Variants in TMEM60 observed in about 807,000 individuals in gnomAD.
TMEM60 encodes chromosome 7 open reading frame 35.
TMEM60 carries 4 observed loss-of-function variants against 10.7 expected under a neutral mutation model. That is an observed-to-expected ratio of 0.37 (90% CI 0.18 to 0.86). TMEM60 has a LOEUF of 0.86. Ranked by LOEUF, TMEM60 falls within the 40% of genes least tolerant of loss-of-function variation. TMEM60 has a pLI of 0.43. For synonymous variants in TMEM60, 56 were observed against 58.1 expected (o/e 0.96, Z 0.17); for missense variants, 128 against 153.4 (o/e 0.83, Z 0.88).
chr7:77,798,239 G>A lies in TMEM60; in HGVS notation c.-51+15C>T, dbSNP rs1448075410. ...CCGGCGTACGGTGCGGGCTAGGGCA[G>A]AGCCCCAGACTCACCTGGCAGCGCT... On this transcript the variant is annotated intron_variant, in intron 1 of 1. Coordinates refer to ENST00000257663, the MANE Select transcript of TMEM60 (RefSeq NM_032936.4). 6.6e-6 allele frequency: 1 copy of A among 152,356 alleles called. No homozygotes were observed. The highest frequency in any genetic ancestry group is 1.5e-5 in the Non-Finnish European group (1 of 68,126). 9.4% of individuals were successfully genotyped at this position (152,356 alleles called of 1,614,324 possible).
At chr7:77,795,679 AAT>A (rs1290372372) in intron 1 of TMEM60, among the ~76,000 whole-genome samples, 1 of 152,212 alleles carries the variant, frequency 6.6e-6, no homozygotes, top group Non-Finnish European at 1.5e-5. Flanking sequence ...TCCTTTTAAC[AAT>A]AGTCTCACTG....
Position 77,794,423 on chromosome 7 carries a change from C to A in TMEM60, c.-50G>T. 1.4e-6 allele frequency: 2 copies of A among 1,423,422 alleles called. No individual in the cohort carries two copies. The highest frequency in any genetic ancestry group is 1.8e-6 in the Non-Finnish European group (2 of 1,086,504). 88.2% of individuals were successfully genotyped at this position (1,423,422 alleles called of 1,614,324 possible). On this transcript the variant is annotated splice_region_variant and 5_prime_UTR_variant, in exon 2 of 2. Coordinates refer to ENST00000257663, the MANE Select transcript of TMEM60 (RefSeq NM_032936.4). ...CAGGATCGGAAAAAAGGAAATATACCCTAAGAGAAGGAGAAAAAGTCAAGA... is the reference window on the plus strand; with the variant it reads ...CAGGATCGGAAAAAAGGAAATATACACTAAGAGAAGGAGAAAAAGTCAAGA...
chr7:77,794,036 A>G lies in TMEM60; in HGVS notation c.338T>C (p.Leu113Ser). 6.2e-7 allele frequency: 1 copy of G among 1,607,456 alleles called. No homozygotes were observed. The highest frequency in any genetic ancestry group is 8.5e-7 in the Non-Finnish European group (1 of 1,178,182). Residue 113 changes from leucine (L) to serine (S), a missense_variant, in exon 2 of 2, where the codon TTA becomes TCA. Coordinates refer to ENST00000257663, the MANE Select transcript of TMEM60 (RefSeq NM_032936.4). Reference protein sequence around the residue: ...TMNLSYVFIPLWALLAGALTE... With the variant: ...TMNLSYVFIPSWALLAGALTE... ...TAAAGCCCCAGCCAGCAAGGCCCATAAAGGAATGAAGACATAGGATAGATT... is the reference window on the plus strand; with the variant it reads ...TAAAGCCCCAGCCAGCAAGGCCCATGAAGGAATGAAGACATAGGATAGATT...
chr7:77,798,341 C>T lies in TMEM60; in HGVS notation c.-138G>A, dbSNP rs1792240217. On this transcript the variant is annotated 5_prime_UTR_variant, in exon 1 of 2. Transcript: ENST00000257663. ...GATCCTTGTCCTTTTCCGCCCTTTT[C>T]CCCCCATTAAATCCAGAACCCGTCA... 6.6e-6 allele frequency: 1 copy of T among 152,146 alleles called. No individual in the cohort carries two copies. Among genetic ancestry groups the T allele is most frequent in the Non-Finnish European group, 1.5e-5 (1 of 68,028 alleles). 9.4% of individuals were successfully genotyped at this position (152,146 alleles called of 1,614,324 possible). A position where few individuals can be genotyped will look rare whatever the true frequency, so the allele number is the denominator to read the frequency against.
intron 1 of TMEM60, among the ~76,000 whole-genome samples, chr7:77,798,016 G>A (rs951215318): frequency 6.6e-6 from 1 of 152,220 alleles, no homozygotes; most frequent in Non-Finnish European, 1.5e-5. Flanking sequence ...TGCAAACACC[G>A]ACAGTCGGCT....
At position 77,793,971 on chromosome 7, in the gene TMEM60, G is replaced by A. The variant is rs760169544; in HGVS notation, c.*1C>T. The A allele has an allele frequency of 1.3e-6, 2 of 1,557,662 alleles. No individual in the cohort carries two copies. The highest frequency in any genetic ancestry group is 2.0e-5 in the Admixed American group (1 of 48,798). ...TAGAAAGGAGATGATGTACTTAGAA[G>A]TCAGTCTCTCACAAAAAAGACATTA... On this transcript the variant is annotated 3_prime_UTR_variant, in exon 2 of 2. Transcript: ENST00000257663.
Position 77,793,773 on chromosome 7 carries a change from C to T in TMEM60, c.*199G>A. The stretch of plus-strand genomic sequence containing the variant: ...ATTTACATAGAGATAATAAGGATCT[C>T]AATAACTCAAATGCTGAATAATTAA... On this transcript the variant is annotated 3_prime_UTR_variant, in exon 2 of 2. Transcript: ENST00000257663. 1.9e-6 allele frequency: 1 copy of T among 530,478 alleles called. No individual in the cohort carries two copies. The allele number at this position is 530,478 out of a possible 1,614,324, so 32.9% of individuals were successfully genotyped here.
chr7:77,796,681 GGAAAGA>G (rs1272535897), intron 1 of TMEM60, among the ~76,000 whole-genome samples: 1 of 152,150 alleles, frequency 6.6e-6, no homozygotes. Context: ...GATACTTGAT[GGAAAGA>G]GAAAAAGATC....
At chr7:77,794,927 AG>A (rs1282370947) in intron 1 of TMEM60, among the ~76,000 whole-genome samples, 5 of 152,196 alleles carry the variant, frequency 3.3e-5, no homozygotes, top group Non-Finnish European at 5.9e-5. Context: ...AGGAGAAGGC[AG>A]GCATATCATT....
At chr7:77,797,184 A>G (rs2150441335) in intron 1 of TMEM60, among the ~76,000 whole-genome samples, 1 of 152,298 alleles carries the variant, frequency 6.6e-6, no homozygotes, top group East Asian at 1.9e-4. Flanking sequence ...CCCCACCTCC[A>G]ATCTATCAGG....
chr7:77,795,411 G>A (rs1035754364), intron 1 of TMEM60, among the ~76,000 whole-genome samples: 16 of 151,878 alleles, frequency 1.1e-4, no homozygotes, highest in Admixed American at 9.2e-4. Context: ...CCTGCTACTC[G>A]CGAGGCTGAA....
In TMEM60 at chr7:77,798,404, A is replaced by T. The variant is rs951327934; in HGVS notation, c.-201T>A. ...GAAAAAACTTCAGTTCCGCCTCCTC[A>T]AACGACTGCGGTAGAGGATCTCTCA... On this transcript the variant is annotated 5_prime_UTR_variant, in exon 1 of 2. Transcript: ENST00000257663. The T allele has an allele frequency of 6.6e-6, 1 of 152,216 alleles. No individual in the cohort carries two copies. Among genetic ancestry groups the T allele is most frequent in the Non-Finnish European group, 1.5e-5 (1 of 68,068 alleles). The allele number at this position is 152,216 out of a possible 1,614,324, so 9.4% of individuals were successfully genotyped here. A position where few individuals can be genotyped will look rare whatever the true frequency, so the allele number is the denominator to read the frequency against.
intron 1 of TMEM60, among the ~76,000 whole-genome samples, chr7:77,797,924 G>A (rs1343822941): frequency 6.6e-6 from 1 of 152,220 alleles, no homozygotes; most frequent in African/African-American, 2.4e-5. Context: ...CAAAGGAACA[G>A]CGTTCTGCTT....
In TMEM60 at chr7:77,796,992, A is replaced by C. The variant is rs532217409; in HGVS notation, c.-51+1262T>G. On this transcript the variant is annotated intron_variant, in intron 1 of 1. Coordinates refer to ENST00000257663, the MANE Select transcript of TMEM60 (RefSeq NM_032936.4). ...TAGTGGCACTTAAACTTGTTTACTT[A>C]ATTGGCAAAGGCTTCATACTGCAGT... Among the ~76,000 whole-genome samples the C allele has an allele frequency of 3.9e-4, 59 of 152,258 alleles. No individual in the cohort carries two copies. The Middle Eastern group carries it at 0.01, about 26-fold the overall frequency.
intron 1 of TMEM60, among the ~76,000 whole-genome samples, chr7:77,797,341 G>T (rs1317530180): frequency 1.3e-5 from 2 of 152,176 alleles, no homozygotes; most frequent in Admixed American, 6.5e-5. Context: ...GGAGGTGAAA[G>T]GATGCAAGTA....
Position 77,794,265 on chromosome 7 carries a change from G to C in TMEM60, c.109C>G (p.Leu37Val). The C allele has an allele frequency of 6.2e-7, 1 of 1,613,694 alleles. No individual in the cohort carries two copies. Among genetic ancestry groups the C allele is most frequent in the South Asian group, 1.1e-5 (1 of 90,984 alleles). The part of the protein sequence containing the change: ...LDEKAPWNWF[L>V]IFIPVWIFDT... ...AATATCCAGACTGGAATGAATATGAGGAACCAGTTCCAAGGTGCTTTCTCA... is the reference window on the plus strand; with the variant it reads ...AATATCCAGACTGGAATGAATATGACGAACCAGTTCCAAGGTGCTTTCTCA... Residue 37 changes from leucine (L) to valine (V), a missense_variant, in exon 2 of 2, where the codon CTC (leucine) becomes GTC (valine). Transcript: ENST00000257663.
chr7:77,796,578 T>C (rs1422161004), intron 1 of TMEM60, among the ~76,000 whole-genome samples: 1 of 152,110 alleles, frequency 6.6e-6, no homozygotes, highest in East Asian at 1.9e-4. Flanking sequence ...AGATAGGGTA[T>C]ATGAAACTGA....
At position 77,798,388 on chromosome 7, in the gene TMEM60, T is replaced by C. The variant is rs1792242552; in HGVS notation, c.-185A>G. ...GTCACATGATAATTAAGAAAAAACTTCAGTTCCGCCTCCTCAAACGACTGC... is the reference window on the plus strand; with the variant it reads ...GTCACATGATAATTAAGAAAAAACTCCAGTTCCGCCTCCTCAAACGACTGC... On this transcript the variant is annotated 5_prime_UTR_variant, in exon 1 of 2. Coordinates refer to ENST00000257663, the MANE Select transcript of TMEM60 (RefSeq NM_032936.4). 6.6e-6 allele frequency: 1 copy of C among 152,200 alleles called. No homozygotes were observed. Among genetic ancestry groups the C allele is most frequent in the Non-Finnish European group, 1.5e-5 (1 of 68,060 alleles). The allele number at this position is 152,200 out of a possible 1,614,324, so 9.4% of individuals were successfully genotyped here. A position where few individuals can be genotyped will look rare whatever the true frequency, so the allele number is the denominator to read the frequency against.
At chr7:77,795,206 A>C (rs968527878) in intron 1 of TMEM60, among the ~76,000 whole-genome samples, 36 of 152,118 alleles carry the variant, frequency 2.4e-4, no homozygotes, top group African/African-American at 8.0e-4. Flanking sequence ...AATAAAAATC[A>C]CAAGAATATA....
Sources: allele counts gnomAD v4.1 joint callset (sites outside exome capture counted in the v4.1 genomes callset), GRCh38; gene constraint gnomAD v4.1.1; transcripts MANE v1.5; gene names NCBI Gene and HGNC (gene_info 2026-07-23, HGNC 2026-07-21).